ABR: variants seen among roughly 807,000 people sequenced by gnomAD.
ABR encodes active breakpoint cluster region-related protein.
A neutral mutation model predicts 107.2 loss-of-function variants in ABR; 35 were observed. The observed-to-expected ratio is 0.33, with a 90% CI of 0.25 to 0.43. The LOEUF is 0.43. Among genes scored for constraint, ABR ranks in the 20% least tolerant of loss-of-function variants. ABR has a pLI of 1.00. For synonymous variants in ABR, 498 were observed against 462.0 expected (o/e 1.08, Z -1.00); for missense variants, 815 against 1,115.2 (o/e 0.73, Z 3.83).
At chr17:1,153,469 TGGGGGTCC>T (rs2040892972) in intron 1 of ABR, among the ~76,000 whole-genome samples, 26 of 126,514 alleles carry the variant, frequency 2.1e-4, no homozygotes, top group African/African-American at 6.6e-4. Context: ...GCGGGAGGGC[TGGGGGTCC>T]AGGCACACCT....
At chr17:1,126,822 C>T (rs552547707) in intron 1 of ABR, among the ~76,000 whole-genome samples, 23 of 152,302 alleles carry the variant, frequency 1.5e-4, no homozygotes, top group South Asian at 2.1e-4. Flanking sequence ...CATCACTGTA[C>T]GCCAGCACCC....
chr17:1,125,388 G>A, intron 1 of ABR, 21 bp from the exon 2 acceptor site: 1 of 1,610,694 alleles, frequency 6.2e-7, no homozygotes. Context: ...GAACAAGAAA[G>A]GCCACTGAGA....
At chr17:1,053,559 A>G (rs1005396502) in intron 14 of ABR, among the ~76,000 whole-genome samples, 3 of 152,108 alleles carry the variant, frequency 2.0e-5, no homozygotes, top group African/African-American at 7.2e-5. Flanking sequence ...AGGAAAAGTC[A>G]TGGTGCCTAC....
chr17:1,012,274 AG>A (rs1264290817), intron 18 of ABR: 4 of 646,632 alleles, frequency 6.2e-6, no homozygotes, highest in South Asian at 6.0e-5. Flanking sequence ...AGATGCTTGT[AG>A]GAGGCCCAGC....
chr17:1,043,329 G>C (rs376225901), intron 16 of ABR, among the ~76,000 whole-genome samples: 7 of 151,920 alleles, frequency 4.6e-5, no homozygotes, highest in Non-Finnish European at 8.8e-5. Context: ...CACCACGCCC[G>C]GCTAATTTTT....
intron 16 of ABR, among the ~76,000 whole-genome samples, chr17:1,024,018 C>T (rs1415162003): frequency 6.4e-5 from 5 of 77,802 alleles, no homozygotes; most frequent in African/African-American, 2.2e-4. Context: ...GAGCGAGACT[C>T]CATCTCAAAA....
intron 16 of ABR, among the ~76,000 whole-genome samples, chr17:1,024,049 A>AAAAAAAAAAAAAAAAAG (rs2071963289): frequency 2.8e-5 from 4 of 140,602 alleles, no homozygotes; most frequent in African/African-American, 1.1e-4. Flanking sequence ...AAAAAAAAAA[A>AAAAAAAAAAAAAAAAAG]GCAGCATCAA....
intron 4 of ABR, among the ~76,000 whole-genome samples, chr17:1,087,196 G>T (rs2260600): frequency 0.088 from 13,428 of 152,230 alleles, 1,663 homozygotes; most frequent in African/African-American, 0.27. Flanking sequence ...TTCCTCAGGG[G>T]CCTCTGCTTC....
rs1239652192 is a variant in ABR, at chr17:1,084,301, CAA to C, written c.532-676_532-675del. Among the ~76,000 whole-genome samples, 3 of 152,218 alleles carry C rather than the reference CAA, an allele frequency of 2.0e-5. No individual in the cohort carries two copies. The highest frequency in any genetic ancestry group is 4.4e-5 in the Non-Finnish European group (3 of 68,032). On this transcript the variant is annotated intron_variant, in intron 4 of 22. Coordinates refer to ENST00000302538, the MANE Select transcript of ABR (RefSeq NM_021962.5). The surrounding 1 kb of genome is among the most constrained non-coding windows in gnomAD (Gnocchi z 4.2). ...ATGAGGCAGGAGAATCGCTTGAACC[CAA>C]GAGGTGGAGGCTGCAGTGAACCAAG...
chr17:1,088,383 G>C (rs905635395), intron 4 of ABR, among the ~76,000 whole-genome samples: 2 of 151,808 alleles, frequency 1.3e-5, no homozygotes, highest in Non-Finnish European at 2.9e-5. Context: ...AGGGAGCAGG[G>C]GGGGGTATGC....
chr17:1,175,030 A>T (rs766550981), intron 1 of ABR, among the ~76,000 whole-genome samples: 28 of 152,144 alleles, frequency 1.8e-4, no homozygotes, highest in Non-Finnish European at 3.8e-4. Context: ...TGGGAAAATA[A>T]AAATAAAAAA....
At chr17:1,145,170 G>A (rs985184756) in intron 1 of ABR, among the ~76,000 whole-genome samples, 2 of 152,124 alleles carry the variant, frequency 1.3e-5, no homozygotes, top group African/African-American at 2.4e-5. Flanking sequence ...TATTTGTGGC[G>A]CCCAGGACAG....
chr17:1,143,688 C>T (rs2040411761), intron 1 of ABR, among the ~76,000 whole-genome samples: 1 of 152,122 alleles, frequency 6.6e-6, no homozygotes. Context: ...CCTCCAAGAT[C>T]CTTGGAAGAG....
chr17:1,031,134 G>A (rs2072700560), intron 16 of ABR, among the ~76,000 whole-genome samples: 1 of 152,166 alleles, frequency 6.6e-6, no homozygotes, highest in African/African-American at 2.4e-5. Context: ...CCCAGACCCG[G>A]CAGCATCTCC....
At chr17:1,015,329 G>A (rs2071059028) in intron 16 of ABR, among the ~76,000 whole-genome samples, 1 of 148,300 alleles carries the variant, frequency 6.7e-6, no homozygotes, top group Admixed American at 6.8e-5. Flanking sequence ...TGAGATGGAA[G>A]AATCGCTTGA....
At chr17:1,031,802 T>TGCCAGTCCCGCTAGTTCCCTAGTCCC (rs2072801650) in intron 16 of ABR, 1 of 1,145,380 alleles carries the variant, frequency 8.7e-7, no homozygotes, top group African/African-American at 1.6e-5. Flanking sequence ...CAGTCCCGGC[T>TGCCAGTCCCGCTAGTTCCCTAGTCCC]GCCAGTCCCG....
intron 1 of ABR, among the ~76,000 whole-genome samples, chr17:1,149,220 T>TA (rs2040693871): frequency 1.3e-5 from 2 of 151,624 alleles, no homozygotes; most frequent in Non-Finnish European, 2.9e-5. Context: ...TGCCATAATT[T>TA]AAAAAAATAG....
intron 2 of ABR, among the ~76,000 whole-genome samples, chr17:1,107,379 T>C (rs2038325376): frequency 6.6e-6 from 1 of 152,240 alleles, no homozygotes; most frequent in Non-Finnish European, 1.5e-5. Flanking sequence ...CACCAAGCAC[T>C]GTGCAGTGTT....
chr17:1,172,698 C>T (rs182690661), intron 1 of ABR, among the ~76,000 whole-genome samples: 2 of 151,740 alleles, frequency 1.3e-5, no homozygotes, highest in South Asian at 2.1e-4. Flanking sequence ...GCAGTGGAGC[C>T]GAGATTGCCC....
Sources: allele counts gnomAD v4.1 joint callset (sites outside exome capture counted in the v4.1 genomes callset), GRCh38; gene constraint gnomAD v4.1.1; non-coding constraint Gnocchi (gnomAD v3.1); transcripts MANE v1.5; gene names NCBI Gene and HGNC (gene_info 2026-07-23, HGNC 2026-07-21).